DCC: variants seen among roughly 807,000 people sequenced by gnomAD.
The protein encoded by DCC is DCC netrin 1 receptor.
A neutral mutation model predicts 172.5 loss-of-function variants in DCC; 58 were observed. That is an observed-to-expected ratio of 0.34 (90% CI 0.27 to 0.42). DCC has a LOEUF of 0.42. Ranked by LOEUF, DCC falls within the 10% of genes least tolerant of loss-of-function variation. DCC has a pLI of 1.00. For missense variants in DCC, 1,740 were observed against 1,791.0 expected (o/e 0.97, Z 0.51); for synonymous variants, 709 against 644.5 (o/e 1.10, Z -1.52).
At chr18:52,664,849 G>T (rs1398911886) in intron 1 of DCC, among the ~76,000 whole-genome samples, 4 of 152,064 alleles carry the variant, frequency 2.6e-5, no homozygotes, top group African/African-American at 9.7e-5. Flanking sequence ...TAATTTAATT[G>T]AACCAAGGTC....
At chr18:52,743,568 TCCAACTTAGC>T (rs1307229458) in intron 1 of DCC, among the ~76,000 whole-genome samples, 2 of 152,220 alleles carry the variant, frequency 1.3e-5, no homozygotes, top group African/African-American at 4.8e-5. Context: ...ACTCTCCCGC[TCCAACTTAGC>T]CCTTATTATT....
chr18:53,072,492 G>T (rs556317073), intron 7 of DCC, among the ~76,000 whole-genome samples: 52 of 152,210 alleles, frequency 3.4e-4, no homozygotes, highest in Non-Finnish European at 5.9e-4. Context: ...GCAGCGGAAG[G>T]TTGTTGGAAG....
At chr18:53,521,311 T>C (rs1210526825) in intron 27 of DCC, among the ~76,000 whole-genome samples, 2 of 152,056 alleles carry the variant, frequency 1.3e-5, no homozygotes, top group African/African-American at 4.8e-5. Flanking sequence ...TCTAATGAGT[T>C]TGAGGGATGG....
At chr18:52,913,639 G>T (rs993165471) in intron 3 of DCC, among the ~76,000 whole-genome samples, 2 of 152,014 alleles carry the variant, frequency 1.3e-5, no homozygotes, top group Non-Finnish European at 2.9e-5. Context: ...TGTCCTCCAC[G>T]TAAAGGAATG....
chr18:52,742,019 T>C (rs2145115359), intron 1 of DCC, among the ~76,000 whole-genome samples: 1 of 152,260 alleles, frequency 6.6e-6, no homozygotes, highest in African/African-American at 2.4e-5. Context: ...AAGAGACATC[T>C]GAGCTCTCTG....
intron 1 of DCC, among the ~76,000 whole-genome samples, chr18:52,428,179 T>G (rs1461884691): frequency 2.0e-5 from 3 of 152,118 alleles, no homozygotes; most frequent in African/African-American, 4.8e-5. Context: ...CCTCTCTACA[T>G]GCATATTGAT....
chr18:53,060,376 C>G (rs368422265), intron 5 of DCC, among the ~76,000 whole-genome samples: 10 of 152,050 alleles, frequency 6.6e-5, no homozygotes, highest in Non-Finnish European at 7.4e-5. Flanking sequence ...TTCAACTCCC[C>G]ATTTAAGTGA....
intron 1 of DCC, among the ~76,000 whole-genome samples, chr18:52,366,475 T>C (rs184560360): frequency 5.9e-5 from 9 of 152,296 alleles, no homozygotes; most frequent in East Asian, 3.9e-4. Flanking sequence ...AGGGCGCTGA[T>C]TGGTGCGTTT....
chr18:53,118,223 T>C (rs1380452194), intron 7 of DCC, among the ~76,000 whole-genome samples: 2 of 151,850 alleles, frequency 1.3e-5, no homozygotes, highest in East Asian at 3.9e-4. Flanking sequence ...TACTTTTTTC[T>C]AAACCAGCTC....
At chr18:52,818,491 T>A (rs1225019719) in intron 2 of DCC, among the ~76,000 whole-genome samples, 1 of 151,236 alleles carries the variant, frequency 6.6e-6, no homozygotes, top group Non-Finnish European at 1.5e-5. Flanking sequence ...ATTTTGGCAA[T>A]TAGAGCCATT....
intron 14 of DCC, among the ~76,000 whole-genome samples, chr18:53,338,603 C>T (rs191746192): frequency 4.2e-4 from 64 of 151,864 alleles, no homozygotes; most frequent in African/African-American, 1.5e-3. Flanking sequence ...TCCGTCTCAA[C>T]AAATAAATAA....
chr18:52,708,468 A>T (rs971827300), intron 1 of DCC, among the ~76,000 whole-genome samples: 1 of 151,974 alleles, frequency 6.6e-6, no homozygotes, highest in Admixed American at 6.6e-5. Context: ...AATTATAATG[A>T]TAATTGGAAA....
intron 1 of DCC, among the ~76,000 whole-genome samples, chr18:52,683,858 G>C (rs1426897818): frequency 6.6e-6 from 1 of 152,112 alleles, no homozygotes; most frequent in Non-Finnish European, 1.5e-5. Context: ...CGTATGTACT[G>C]TTGGTAAAAG....
Position 53,410,473 on chromosome 18 carries a change from T to C in DCC, c.2957T>C (p.Leu986Ser). 6.2e-7 allele frequency: 1 copy of C among 1,608,632 alleles called. No individual in the cohort carries two copies. Among genetic ancestry groups the C allele is most frequent in the Non-Finnish European group, 8.5e-7 (1 of 1,175,040 alleles). Residue 986 changes from leucine (L) to serine (S), a missense_variant, in exon 20 of 29, where the codon TTG becomes TCG. This residue lies in a region of DCC where 1,732 missense variants were observed against 1,767.4 expected (regional missense o/e 0.98). Coordinates refer to ENST00000442544, the MANE Select transcript of DCC (RefSeq NM_005215.4). ...GCAGCTTACATCTTATTTTATACCT[T>C]GGACAAGAACATCCCAATTGATGAC... ...KITAYILFYTLDKNIPIDDWI... is the reference protein window; with the variant it reads ...KITAYILFYTSDKNIPIDDWI...
At chr18:52,371,238 C>A (rs1289006433) in intron 1 of DCC, among the ~76,000 whole-genome samples, 2 of 152,090 alleles carry the variant, frequency 1.3e-5, no homozygotes, top group Non-Finnish European at 2.9e-5. Context: ...GCAGTTAGAG[C>A]AGTGCCTAGG....
chr18:52,588,071 T>C (rs745798884), intron 1 of DCC, among the ~76,000 whole-genome samples: 1 of 152,208 alleles, frequency 6.6e-6, no homozygotes, highest in Non-Finnish European at 1.5e-5. Flanking sequence ...TCAGGTTGCA[T>C]GGTGACTTGG....
At chr18:52,556,328 C>T (rs888882660) in intron 1 of DCC, among the ~76,000 whole-genome samples, 1 of 151,978 alleles carries the variant, frequency 6.6e-6, no homozygotes, top group African/African-American at 2.4e-5. Flanking sequence ...TACTAGAACC[C>T]ATTATAGATG....
chr18:52,680,864 C>T (rs77979216), intron 1 of DCC, among the ~76,000 whole-genome samples: 15,741 of 152,066 alleles, frequency 0.1, 969 homozygotes, highest in South Asian at 0.29. Context: ...TGCCTTTTGC[C>T]TAACATAGAT....
rs1467580314 is a variant in DCC, at chr18:53,471,751, C to T, written c.3736+3741C>T. Reference sequence around the variant, plus strand: ...TATTTACATGTCTTATCCCCCATTTCTTTCAGGTCTCTATTCAACTACCAC... The same window carrying T: ...TATTTACATGTCTTATCCCCCATTTTTTTCAGGTCTCTATTCAACTACCAC... On this transcript the variant is annotated intron_variant, in intron 25 of 28. Transcript: ENST00000442544. Among the ~76,000 whole-genome samples the T allele has an allele frequency of 2.0e-5, 3 of 152,258 alleles. No homozygotes were observed. In the East Asian group the frequency reaches 5.8e-4, roughly 29 times the overall value.
Sources: gnomAD v4.1 joint callset for allele counts (sites outside exome capture counted in the v4.1 genomes callset) on GRCh38, gnomAD v4.1.1 for gene constraint, gnomAD v4.1.1 regional missense constraint, MANE v1.5 for transcripts, NCBI Gene and HGNC (gene_info 2026-07-23, HGNC 2026-07-21) for gene names.